Variants in LNX1 observed in about 807,000 individuals in gnomAD.
LNX1 encodes E3 ubiquitin-protein ligase LNX.
In LNX1, 54 loss-of-function variants were observed where a neutral mutation model predicts 68.4. The observed-to-expected ratio is 0.79, with a 90% CI of 0.63 to 0.99. LNX1 has a LOEUF of 0.99. Ranked by LOEUF, LNX1 falls within the 50% of genes least tolerant of loss-of-function variation. The probability of loss-of-function intolerance (pLI) is 0.00; values close to 1 mark genes in which losing one functional copy is unlikely to be tolerated. For synonymous variants in LNX1, 336 were observed against 350.0 expected (o/e 0.96, Z 0.45); for missense variants, 906 against 926.4 (o/e 0.98, Z 0.29).
intron 2 of LNX1, among the ~76,000 whole-genome samples, chr4:53,533,831 G>A (rs1405671514): frequency 6.6e-6 from 1 of 152,242 alleles, no homozygotes; most frequent in Non-Finnish European, 1.5e-5. Flanking sequence ...GGTCCAAAAT[G>A]TCAGTAGTGC....
intron 2 of LNX1, chr4:53,603,872 C>T (rs1401952124): frequency 7.2e-5 from 11 of 152,188 alleles, no homozygotes; most frequent in East Asian, 1.9e-4. Flanking sequence ...GCAATTGACT[C>T]CTGACATCTG....
intron 2 of LNX1, among the ~76,000 whole-genome samples, chr4:53,542,609 GA>G (rs886687348): frequency 3.3e-5 from 5 of 152,134 alleles, no homozygotes; most frequent in East Asian, 1.9e-4. Flanking sequence ...CAAGAGGAGG[GA>G]AAAAATAGGT....
At chr4:53,509,138 C>T (rs549047434) in intron 2 of LNX1, among the ~76,000 whole-genome samples, 9 of 152,158 alleles carry the variant, frequency 5.9e-5, no homozygotes, top group Non-Finnish European at 1.3e-4. Context: ...AGGTTTTGGT[C>T]AGGAAATGGT....
intron 2 of LNX1, 41 bp from the exon 3 acceptor site, chr4:53,508,268 T>A: frequency 6.3e-7 from 1 of 1,598,156 alleles, no homozygotes; most frequent in Non-Finnish European, 8.6e-7. Flanking sequence ...GAGCTTTGGC[T>A]CTGCTGCCAT....
chr4:53,588,977 TGA>T (rs1280318573), intron 1 of LNX1, among the ~76,000 whole-genome samples: 1 of 152,160 alleles, frequency 6.6e-6, no homozygotes, highest in East Asian at 1.9e-4. Flanking sequence ...TATGGTACAA[TGA>T]GGCTCCAAAC....
intron 9 of LNX1, among the ~76,000 whole-genome samples, chr4:53,467,991 T>C (rs546873901): frequency 1.3e-4 from 20 of 152,232 alleles, no homozygotes; most frequent in South Asian, 4.2e-4. Context: ...ATACAGAGAA[T>C]GCCACAAAGA....
intron 1 of LNX1, among the ~76,000 whole-genome samples, chr4:53,638,773 A>C (rs183264400): frequency 6.6e-6 from 1 of 152,316 alleles, no homozygotes; most frequent in Non-Finnish European, 1.5e-5. Flanking sequence ...CCATGAGCTC[A>C]AAATTGGTGT....
chr4:53,524,047 G>C (rs1727437759), intron 2 of LNX1: 1 of 151,960 alleles, frequency 6.6e-6, no homozygotes, highest in Non-Finnish European at 1.5e-5. Context: ...TTTAGATAAG[G>C]GTCTTTGTTC....
At chr4:53,465,835 T>C (rs954701512) in intron 9 of LNX1, among the ~76,000 whole-genome samples, 5 of 152,232 alleles carry the variant, frequency 3.3e-5, no homozygotes, top group African/African-American at 9.6e-5. Context: ...CCAATGTTTC[T>C]AAGCAAATTT....
At chr4:53,566,948 T>A (rs2109757275) in intron 2 of LNX1, among the ~76,000 whole-genome samples, 2 of 152,240 alleles carry the variant, frequency 1.3e-5, no homozygotes. Context: ...GAGCTAACTA[T>A]CCTAAATATA....
At chr4:53,598,258 G>A (rs1732845174) in intron 2 of LNX1, among the ~76,000 whole-genome samples, 1 of 151,036 alleles carries the variant, frequency 6.6e-6, no homozygotes, top group African/African-American at 2.4e-5. Context: ...TTTGAGACAG[G>A]GTCTTGCTTT....
At chr4:53,611,440 A>T (rs1469898041) in intron 2 of LNX1, among the ~76,000 whole-genome samples, 1 of 152,216 alleles carries the variant, frequency 6.6e-6, no homozygotes, top group Non-Finnish European at 1.5e-5. Context: ...AATCACAACA[A>T]AGTGGGTATT....
intron 2 of LNX1, among the ~76,000 whole-genome samples, chr4:53,556,971 C>A (rs751436893): frequency 6.6e-6 from 1 of 152,178 alleles, no homozygotes; most frequent in Non-Finnish European, 1.5e-5. Context: ...CTATTTTTCC[C>A]GTCTGGTTAG....
intron 9 of LNX1, among the ~76,000 whole-genome samples, chr4:53,466,414 G>C (rs1722686887): frequency 6.6e-6 from 1 of 152,244 alleles, no homozygotes; most frequent in African/African-American, 2.4e-5. Context: ...CCCAGCGTGA[G>C]TGATGCAGAA....
intron 9 of LNX1, among the ~76,000 whole-genome samples, chr4:53,462,756 A>T (rs1010859990): frequency 6.6e-6 from 1 of 152,166 alleles, no homozygotes; most frequent in African/African-American, 2.4e-5. Flanking sequence ...ATACATACAC[A>T]TCATCTATAA....
At position 53,498,859 on chromosome 4, in the gene LNX1, A is replaced by T. The variant is rs778062890; in HGVS notation, c.776-16T>A. ...CTTGGAAAGACTGAAATGGACAAAGAGTGTTTATTTAAGACACCCACCCAA... is the reference window on the plus strand; with the variant it reads ...CTTGGAAAGACTGAAATGGACAAAGTGTGTTTATTTAAGACACCCACCCAA... On this transcript the variant is annotated splice_polypyrimidine_tract_variant and intron_variant, in intron 4 of 10. Coordinates refer to ENST00000263925, the MANE Select transcript of LNX1 (RefSeq NM_001126328.3). 7.5e-6 allele frequency: 12 copies of T among 1,600,534 alleles called. No individual in the cohort carries two copies. The East Asian group carries it at 2.7e-4, about 36-fold the overall frequency.
At chr4:53,639,970 T>G (rs1734617434) in intron 1 of LNX1, among the ~76,000 whole-genome samples, 1 of 151,986 alleles carries the variant, frequency 6.6e-6, no homozygotes, top group African/African-American at 2.4e-5. Flanking sequence ...AGGCAGAGGT[T>G]GCAGTGAGCT....
intron 2 of LNX1, among the ~76,000 whole-genome samples, chr4:53,565,877 C>T (rs1730644432): frequency 6.6e-6 from 1 of 152,074 alleles, no homozygotes; most frequent in Non-Finnish European, 1.5e-5. Context: ...CCGACGTGAT[C>T]AACTGGAAGA....
intron 2 of LNX1, among the ~76,000 whole-genome samples, chr4:53,530,994 G>A (rs1399069315): frequency 6.6e-6 from 1 of 152,058 alleles, no homozygotes. Flanking sequence ...GTAAAACCCC[G>A]ACTCCACAAA....
Sources: gnomAD v4.1 joint callset for allele counts (sites outside exome capture counted in the v4.1 genomes callset) on GRCh38, gnomAD v4.1.1 for gene constraint, MANE v1.5 for transcripts, NCBI Gene and HGNC (gene_info 2026-07-23, HGNC 2026-07-21) for gene names.